The following KMT2C variants were observed in gnomAD, a reference collection of about 807,000 sequenced individuals.
The protein encoded by KMT2C is histone-lysine N-methyltransferase 2C.
Under a neutral mutation model 507.9 loss-of-function variants are expected in KMT2C, and 88 were observed. The ratio of observed to expected loss-of-function variants is 0.17; its 90% CI spans 0.15 to 0.21. The LOEUF (loss-of-function observed/expected upper bound fraction) is 0.21, where lower values mean the gene tolerates loss of function less well. Among genes scored for constraint, KMT2C ranks in the 10% least tolerant of loss-of-function variants. The probability of loss-of-function intolerance (pLI) is 1.00; values close to 1 mark genes in which losing one functional copy is unlikely to be tolerated. For missense variants in KMT2C, 4,954 were observed against 5,957.8 expected (o/e 0.83, Z 5.55); for synonymous variants, 2,049 against 2,080.8 (o/e 0.98, Z 0.42).
intron 33 of KMT2C, 132 bp from the exon 34 acceptor site, chr7:152,185,763 T>A (rs2129123501): frequency 1.6e-6 from 1 of 615,256 alleles, no homozygotes; most frequent in East Asian, 2.8e-5. Context: ...AGACCTATAT[T>A]AAGTTTTTTA....
chr7:152,320,982 C>T (rs1266673885), intron 3 of KMT2C, among the ~76,000 whole-genome samples: 1 of 151,944 alleles, frequency 6.6e-6, no homozygotes, highest in East Asian at 1.9e-4. Context: ...GCCTATAATT[C>T]CAACACTTTA....
At chr7:152,164,819 A>C (rs552831748) in intron 42 of KMT2C, among the ~76,000 whole-genome samples, 1 of 152,224 alleles carries the variant, frequency 6.6e-6, no homozygotes, top group East Asian at 1.9e-4. Flanking sequence ...TTGTGTCCCA[A>C]TGTGCTCAAT....
intron 3 of KMT2C, among the ~76,000 whole-genome samples, chr7:152,322,905 C>T (rs1213450025): frequency 6.6e-6 from 1 of 151,932 alleles, no homozygotes; most frequent in Non-Finnish European, 1.5e-5. Context: ...CCAACAGGTA[C>T]ATGAGAAAAT....
At chr7:152,399,180 C>T (rs796246073) in intron 1 of KMT2C, among the ~76,000 whole-genome samples, 12 of 152,208 alleles carry the variant, frequency 7.9e-5, no homozygotes, top group South Asian at 4.1e-4. Context: ...CTTAAAGCTG[C>T]TATTATATTT....
chr7:152,160,750 C>T (rs868309568), intron 43 of KMT2C, among the ~76,000 whole-genome samples: 5 of 150,652 alleles, frequency 3.3e-5, no homozygotes, highest in Non-Finnish European at 7.4e-5. Flanking sequence ...TTAAACTTGA[C>T]GTGGTTGTTC....
chr7:152,215,092 T>C (rs2094540387), intron 23 of KMT2C, among the ~76,000 whole-genome samples: 1 of 151,996 alleles, frequency 6.6e-6, no homozygotes, highest in African/African-American at 2.4e-5. Context: ...AAAAACTGTA[T>C]CCTACCTGCC....
At chr7:152,432,178 A>G (rs1165700147) in intron 1 of KMT2C, among the ~76,000 whole-genome samples, 4 of 152,208 alleles carry the variant, frequency 2.6e-5, no homozygotes, top group African/African-American at 7.2e-5. Context: ...CAGAAATCCT[A>G]TACCTACCAC....
At chr7:152,222,472 G>T (rs926526822) in intron 21 of KMT2C, 101 bp downstream of exon 21, 11 of 574,636 alleles carry the variant, frequency 1.9e-5, no homozygotes, top group African/African-American at 3.9e-5. Flanking sequence ...GTTTCACAAA[G>T]ACAAAATAGA....
At chr7:152,290,258 G>GTGTA (rs1337492088) in intron 6 of KMT2C, among the ~76,000 whole-genome samples, 314 of 26,244 alleles carry the variant, frequency 0.012, 12 homozygotes, top group Non-Finnish European at 0.014. Context: ...GTGTGTATGT[G>GTGTA]TATATATATA....
chr7:152,281,729 C>G (rs1472791046), intron 6 of KMT2C, among the ~76,000 whole-genome samples: 2 of 151,052 alleles, frequency 1.3e-5, no homozygotes, highest in African/African-American at 2.4e-5. Flanking sequence ...GAGACTCCAT[C>G]TCAAAAACAA....
At chr7:152,284,048 T>C (rs1470514691) in intron 6 of KMT2C, among the ~76,000 whole-genome samples, 1 of 152,164 alleles carries the variant, frequency 6.6e-6, no homozygotes, top group East Asian at 1.9e-4. Context: ...ACTTTGAAAT[T>C]GAAACAAAAA....
At chr7:152,262,951 G>T in intron 9 of KMT2C, 65 bp downstream of exon 9, 7 of 1,196,644 alleles carry the variant, frequency 5.8e-6, no homozygotes, top group Non-Finnish European at 8.4e-6. Context: ...ATAGGTATCC[G>T]ATTTGTCTGG....
intron 47 of KMT2C, 41 bp downstream of exon 47, chr7:152,154,226 G>A (rs186602922): frequency 4.8e-5 from 77 of 1,607,864 alleles, no homozygotes; most frequent in East Asian, 1.6e-4. Context: ...GTAAATTGGC[G>A]TAGTGTAAAG....
At chr7:152,178,102 A>C in intron 37 of KMT2C, 92 bp from the exon 38 acceptor site, 1 of 1,258,474 alleles carries the variant, frequency 7.9e-7, no homozygotes, top group Non-Finnish European at 1.0e-6. Flanking sequence ...TCTTCAATTA[A>C]ACTGTACATA....
Position 152,187,717 on chromosome 7 carries a change from G to T in KMT2C, c.4791C>A (p.Ala1597=). ...SAIAQSSYPD[A]RDKNSAFNPM... ...TCCATAGAAAATAAGGCTTGTACCTGGCATCAGGATAAGAGGATTGTGCAA... is the reference window on the plus strand; with the variant it reads ...TCCATAGAAAATAAGGCTTGTACCTTGCATCAGGATAAGAGGATTGTGCAA... The change falls in exon 32 of 59, where the codon GCC becomes GCA. Residue 1597 remains alanine, a splice_region_variant and synonymous_variant. Coordinates refer to ENST00000262189, the MANE Select transcript of KMT2C (RefSeq NM_170606.3). 1 of 1,612,554 alleles carries T rather than the reference G, an allele frequency of 6.2e-7. No individual in the cohort carries two copies. Among genetic ancestry groups the T allele is most frequent in the Admixed American group, 1.7e-5 (1 of 59,804 alleles).
intron 3 of KMT2C, among the ~76,000 whole-genome samples, chr7:152,326,569 A>G (rs547584587): frequency 1.3e-5 from 2 of 152,298 alleles, no homozygotes; most frequent in Admixed American, 6.5e-5. Flanking sequence ...AACATTTTAT[A>G]TACTGCACCA....
Position 152,203,284 on chromosome 7 carries a change from C to T in KMT2C, c.3962-220G>A, listed in dbSNP as rs542607564. 3.3e-4 allele frequency among the ~76,000 whole-genome samples: 50 copies of T among 151,470 alleles called. 2 individuals carry two copies. Among genetic ancestry groups the T allele is most frequent in the Non-Finnish European group, 1.6e-4 (11 of 67,850 alleles). The stretch of plus-strand genomic sequence containing the variant: ...GCATTTTTCCTATTTTCTTAATAAT[C>T]GATTACAAAGCAAAAACGTATTTAT... On this transcript the variant is annotated intron_variant, in intron 25 of 58. Transcript: ENST00000262189.
Position 152,163,627 on chromosome 7 carries a change from G to T in KMT2C, c.9950C>A (p.Thr3317Lys), listed in dbSNP as rs143783723. 1 of 1,611,016 alleles carries T rather than the reference G, an allele frequency of 6.2e-7. No individual in the cohort carries two copies. The highest frequency in any genetic ancestry group is 1.1e-5 in the South Asian group (1 of 90,502). The change falls in exon 43 of 59, where the codon ACA becomes AAA. Residue 3317 changes from threonine (T) to lysine (K), a missense_variant. Physicochemically the swap from Thr to Lys is moderately conservative, Grantham distance 78 (BLOSUM62 -1). Transcript: ENST00000262189. ...VPQQLQHQQH[T>K]TVISGHTSPV... ...GCTAGTATGGCCAGAAATAACTGTTGTGTGCTGCTGGTGCTGAAGCTGCTG... is the reference window on the plus strand; with the variant it reads ...GCTAGTATGGCCAGAAATAACTGTTTTGTGCTGCTGGTGCTGAAGCTGCTG...
intron 2 of KMT2C, among the ~76,000 whole-genome samples, chr7:152,332,790 G>A (rs35829359): frequency 6.6e-6 from 1 of 151,792 alleles, no homozygotes; most frequent in Non-Finnish European, 1.5e-5. Context: ...GGAAGTTGCA[G>A]TGAGCCGAGA....
Sources: allele counts gnomAD v4.1 joint callset (sites outside exome capture counted in the v4.1 genomes callset), GRCh38; gene constraint gnomAD v4.1.1; transcripts MANE v1.5; gene names NCBI Gene and HGNC (gene_info 2026-07-23, HGNC 2026-07-21).